Variants in RALGPS2 observed in about 807,000 individuals in gnomAD.
The protein encoded by RALGPS2 is Ral GEF with PH domain and SH3 binding motif 2, also known as ras-specific guanine nucleotide-releasing factor RalGPS2.
A neutral mutation model predicts 86.8 loss-of-function variants in RALGPS2; 43 were observed. The ratio of observed to expected loss-of-function variants is 0.50; its 90% confidence interval spans 0.39 to 0.64. The LOEUF is 0.64. RALGPS2 is among the 30% of genes least tolerant of loss of function. The pLI is 0.00. For synonymous variants in RALGPS2, 243 were observed against 231.3 expected, an observed-to-expected ratio of 1.05 and a Z score of -0.46; for missense variants, 536 against 694.6, an observed-to-expected ratio of 0.77 and a Z score of 2.57.
intron 4 of RALGPS2, among the ~76,000 whole-genome samples, chr1:178,795,756 T>C (rs1265964889): frequency 6.6e-6 from 1 of 152,188 alleles, no homozygotes; most frequent in Non-Finnish European, 1.5e-5. Flanking sequence ...AATTGAGATA[T>C]TTCCGACAGT....
intron 7 of RALGPS2, among the ~76,000 whole-genome samples, chr1:178,829,855 C>G (rs1655933737): frequency 6.6e-6 from 1 of 152,086 alleles, no homozygotes; most frequent in Non-Finnish European, 1.5e-5. Context: ...AGTGATTCTC[C>G]TGCCTCAGCC....
chr1:178,911,702 A>G (rs1440312144), intron 19 of RALGPS2, among the ~76,000 whole-genome samples: 1 of 152,182 alleles, frequency 6.6e-6, no homozygotes, highest in Non-Finnish European at 1.5e-5. Flanking sequence ...TGTTGAATGA[A>G]GTATTCTGTA....
chr1:178,906,989 G>A lies in RALGPS2; in HGVS notation c.1722+122G>A, dbSNP rs184032680. 1,029 of 807,846 alleles carry A rather than the reference G, an allele frequency of 1.3e-3. 1 individual carries two copies. Among genetic ancestry groups the A allele is most frequent in the African/African-American group, 0.012 (669 of 57,376 alleles). 50.0% of individuals were successfully genotyped at this position (807,846 alleles called of 1,614,324 possible). ...GGAGAATGGTGGTGTTTTTATTCTT[G>A]TTGATTACAGTTAATAAGATATGAA... On this transcript the variant is annotated intron_variant, in intron 19 of 19. Coordinates refer to ENST00000367635, the MANE Select transcript of RALGPS2 (RefSeq NM_152663.5).
At chr1:178,898,520 A>G (rs148591294) in intron 17 of RALGPS2, among the ~76,000 whole-genome samples, 164 of 152,128 alleles carry the variant, frequency 1.1e-3, no homozygotes, top group African/African-American at 3.6e-3. Context: ...GGTATAGAAA[A>G]GAACATTTTT....
chr1:178,785,445 A>G (rs781075877), intron 3 of RALGPS2, 112 bp from the exon 4 acceptor site: 100 of 1,180,532 alleles, frequency 8.5e-5, no homozygotes, highest in Non-Finnish European at 1.1e-4. Flanking sequence ...ATAAGCCCTT[A>G]TAAAATTGAG....
chr1:178,786,425 GGAGA>G (rs1653651545), intron 4 of RALGPS2, among the ~76,000 whole-genome samples: 1 of 151,928 alleles, frequency 6.6e-6, no homozygotes, highest in Non-Finnish European at 1.5e-5. Flanking sequence ...ATTTTGGAGA[GGAGA>G]GAAAGGATCA....
At chr1:178,745,091 G>A (rs1651240309) in intron 1 of RALGPS2, among the ~76,000 whole-genome samples, 1 of 152,156 alleles carries the variant, frequency 6.6e-6, no homozygotes, top group African/African-American at 2.4e-5. Context: ...TAATTACACA[G>A]CATCATAGAA....
In RALGPS2 at chr1:178,889,759, A is replaced by G. The variant is rs113148252; in HGVS notation, c.1247+63A>G. On this transcript the variant is annotated intron_variant, in intron 14 of 19. Coordinates refer to ENST00000367635, the MANE Select transcript of RALGPS2 (RefSeq NM_152663.5). ...TTTTGTCTGGGTTAAATAATATAAT[A>G]CAAATTTTCAGAGATAATATTTACT... The G allele has an allele frequency of 8.4e-6, 10 of 1,186,978 alleles. No homozygotes were observed. The African/African-American group carries it at 9.4e-5, about 11-fold the overall frequency. The allele number at this position is 1,186,978 out of a possible 1,614,324, so 73.5% of individuals were successfully genotyped here.
intron 6 of RALGPS2, among the ~76,000 whole-genome samples, chr1:178,813,228 C>T (rs781569519): frequency 5.3e-5 from 8 of 152,058 alleles, no homozygotes; most frequent in Non-Finnish European, 1.0e-4. Flanking sequence ...CCACTGCACC[C>T]GGCCAATACT....
At position 178,726,482 on chromosome 1, in the gene RALGPS2, G is replaced by C. The variant is rs527958231; in HGVS notation, c.-84+1063G>C. Among the ~76,000 whole-genome samples, 3 of 151,796 alleles carry C rather than the reference G, an allele frequency of 2.0e-5. No homozygotes were observed. The South Asian group carries it at 6.2e-4, about 32-fold the overall frequency. On this transcript the variant is annotated intron_variant, in intron 1 of 19. Coordinates refer to ENST00000367635, the MANE Select transcript of RALGPS2 (RefSeq NM_152663.5). ...TTGAGTTGGGAGGGGTAAGGGAGGA[G>C]GAAGAAAGGGCACTGATGTTAGCTG...
intron 8 of RALGPS2, among the ~76,000 whole-genome samples, chr1:178,862,634 G>A (rs540565738): frequency 4.0e-5 from 5 of 125,774 alleles, no homozygotes; most frequent in African/African-American, 1.6e-4. Context: ...TATTTATTTG[G>A]TTGGTTGGTT....
chr1:178,827,747 TG>T (rs1655821200), intron 7 of RALGPS2, among the ~76,000 whole-genome samples: 1 of 152,184 alleles, frequency 6.6e-6, no homozygotes, highest in Non-Finnish European at 1.5e-5. Context: ...CAAAATATTG[TG>T]GTTAGCATAA....
intron 4 of RALGPS2, among the ~76,000 whole-genome samples, chr1:178,801,042 T>A (rs1654445605): frequency 6.6e-6 from 1 of 152,048 alleles, no homozygotes. Flanking sequence ...TTCTCCTGCC[T>A]CAGCCTCCCA....
chr1:178,813,220 A>C (rs1417873706), intron 6 of RALGPS2, among the ~76,000 whole-genome samples: 1 of 152,200 alleles, frequency 6.6e-6, no homozygotes, highest in South Asian at 2.1e-4. Flanking sequence ...GGCGTGAGCC[A>C]CTGCACCCGG....
chr1:178,747,385 A>G, intron 1 of RALGPS2: 4 of 1,530,082 alleles, frequency 2.6e-6, no homozygotes, highest in Non-Finnish European at 2.7e-6. Flanking sequence ...GATGTACTGT[A>G]TAATACGACT....
At chr1:178,747,071 A>G in intron 1 of RALGPS2, 1 of 864,542 alleles carries the variant, frequency 1.2e-6, no homozygotes, top group South Asian at 1.4e-5. Context: ...GGGGTCTGAG[A>G]TAAGACCCAT....
intron 19 of RALGPS2, among the ~76,000 whole-genome samples, chr1:178,914,583 A>G (rs1278685416): frequency 1.3e-5 from 2 of 151,960 alleles, no homozygotes; most frequent in Admixed American, 6.6e-5. Flanking sequence ...GGCTTGGAGT[A>G]TGCTGGTCTA....
intron 10 of RALGPS2, chr1:178,879,838 T>A (rs958275514): frequency 6.6e-6 from 1 of 151,160 alleles, no homozygotes; most frequent in Non-Finnish European, 1.5e-5. Flanking sequence ...TTAAAATAGC[T>A]GATATCCATT....
intron 6 of RALGPS2, among the ~76,000 whole-genome samples, chr1:178,817,563 A>AT (rs200613817): frequency 1.0e-3 from 152 of 151,026 alleles, no homozygotes; most frequent in African/African-American, 3.3e-3. Flanking sequence ...TAGTGTTCTA[A>AT]TTTTTTTTTC....
Sources: allele counts gnomAD v4.1 joint callset (sites outside exome capture counted in the v4.1 genomes callset), GRCh38; gene constraint gnomAD v4.1.1; transcripts MANE v1.5; gene names NCBI Gene and HGNC (gene_info 2026-07-23, HGNC 2026-07-21).